DNAH14: variants seen among roughly 807,000 people sequenced by gnomAD.
DNAH14 encodes dynein axonemal heavy chain 14.
A neutral mutation model predicts 520.9 loss-of-function variants in DNAH14; 478 were observed. That is an observed-to-expected ratio of 0.92 (90% CI 0.85 to 0.99). DNAH14 has a LOEUF of 0.99. Among genes scored for constraint, DNAH14 ranks in the 50% least tolerant of loss-of-function variants. The pLI is 0.00. For synonymous variants in DNAH14, 1,581 were observed against 1,757.2 expected, an observed-to-expected ratio of 0.90 and a Z score of 2.51; for missense variants, 4,831 against 5,234.5, an observed-to-expected ratio of 0.92 and a Z score of 2.38.
intron 46 of DNAH14, among the ~76,000 whole-genome samples, chr1:225,262,679 C>T (rs1200921417): frequency 6.6e-6 from 1 of 151,870 alleles, no homozygotes; most frequent in Non-Finnish European, 1.5e-5. Flanking sequence ...TTTCTGGGTT[C>T]TCTGTTTTGT....
chr1:224,946,109 G>A (rs1224369249), intron 1 of DNAH14, among the ~76,000 whole-genome samples: 1 of 152,214 alleles, frequency 6.6e-6, no homozygotes, highest in African/African-American at 2.4e-5. Context: ...GAGGCAGGCA[G>A]GCAGCCCTCT....
intron 36 of DNAH14, among the ~76,000 whole-genome samples, chr1:225,170,505 A>T (rs2082511686): frequency 6.6e-6 from 1 of 152,204 alleles, no homozygotes; most frequent in South Asian, 2.1e-4. Flanking sequence ...ACCAACAAAG[A>T]TCAAAAGAGA....
intron 50 of DNAH14, among the ~76,000 whole-genome samples, 162 bp from the exon 51 acceptor site, chr1:225,271,744 T>C (rs1258964389): frequency 6.6e-6 from 1 of 152,222 alleles, no homozygotes; most frequent in African/African-American, 2.4e-5. Context: ...GTGTTTTGTT[T>C]TTACTAATCT....
intron 21 of DNAH14, among the ~76,000 whole-genome samples, chr1:225,094,963 A>G (rs1331192617): frequency 6.6e-6 from 1 of 152,122 alleles, no homozygotes; most frequent in East Asian, 1.9e-4. Context: ...CAAAACCACA[A>G]TAAGATACCA....
At chr1:225,398,075 C>T (rs1206860262) in intron 84 of DNAH14, 2 of 149,334 alleles carry the variant, frequency 1.3e-5, no homozygotes, top group Admixed American at 1.3e-4. Flanking sequence ...AAAAACCCCT[C>T]CTCTGCCTTT....
chr1:225,380,934 G>A (rs2095773305), intron 80 of DNAH14, among the ~76,000 whole-genome samples: 1 of 152,176 alleles, frequency 6.6e-6, no homozygotes, highest in Non-Finnish European at 1.5e-5. Flanking sequence ...CAGCAAATTA[G>A]GGCTCGCAGG....
At chr1:225,322,558 A>T in intron 61 of DNAH14, 106 bp from the exon 62 acceptor site, 1 of 1,134,760 alleles carries the variant, frequency 8.8e-7, no homozygotes, top group Non-Finnish European at 1.2e-6. Flanking sequence ...AGTTTTCCTT[A>T]TCCAAATGTG....
intron 42 of DNAH14, among the ~76,000 whole-genome samples, chr1:225,233,639 T>C (rs2091323076): frequency 6.6e-6 from 1 of 152,176 alleles, no homozygotes; most frequent in African/African-American, 2.4e-5. Context: ...TTTAATGTTT[T>C]TTTTTCTCCT....
At chr1:225,293,560 C>A (rs1392233065) in intron 55 of DNAH14, among the ~76,000 whole-genome samples, 1 of 152,086 alleles carries the variant, frequency 6.6e-6, no homozygotes, top group African/African-American at 2.4e-5. Context: ...CAAACTAACA[C>A]AGGAACAGAA....
rs956834783 is a variant in DNAH14, at chr1:225,290,062, C to T, written c.8449C>T (p.Pro2817Ser). The T allele has an allele frequency of 4.1e-6, 6 of 1,476,980 alleles. No homozygotes were observed. In the African/African-American group the frequency reaches 5.7e-5, roughly 14 times the overall value. The allele number at this position is 1,476,980 out of a possible 1,614,324, so 91.5% of individuals were successfully genotyped here. A position where few individuals can be genotyped will look rare whatever the true frequency, so the allele number is the denominator to read the frequency against. Reference protein sequence around the residue: ...LKGKPTVLMVPNLNIEQDSFL... With the variant: ...LKGKPTVLMVSNLNIEQDSFL... ...AGGGAAACCCACTGTTCTGATGGTT[C>T]CCAATTTAAACATAGAACAAGTAAG... Residue 2817 changes from proline (P) to serine (S), a missense_variant, in exon 55 of 86, where the codon CCC (proline) becomes TCC (serine). By Grantham distance (74) the Pro-to-Ser change is moderately conservative (BLOSUM62 -1). Coordinates refer to ENST00000682510, the MANE Select transcript of DNAH14 (RefSeq NM_001367479.1).
At chr1:225,039,273 C>T (rs2067236076) in intron 12 of DNAH14, among the ~76,000 whole-genome samples, 3 of 152,064 alleles carry the variant, frequency 2.0e-5, no homozygotes, top group Admixed American at 6.5e-5. Flanking sequence ...TAGCATCTAC[C>T]CCCTCCTCCC....
rs1407339187 is a variant in DNAH14, at chr1:225,307,572, A to G, written c.9114+3A>G. On this transcript the variant is annotated splice_donor_region_variant and intron_variant, in intron 59 of 85. Transcript: ENST00000682510. ...CTCAAGTAGAACAAAAAACAAAGGT[A>G]TGTTTGCTTTGAAATCTCTTTTAAA... 1.3e-6 allele frequency: 2 copies of G among 1,528,324 alleles called. No homozygotes were observed. The highest frequency in any genetic ancestry group is 1.8e-6 in the Non-Finnish European group (2 of 1,139,376). 94.7% of individuals were successfully genotyped at this position (1,528,324 alleles called of 1,614,324 possible).
At chr1:225,141,488 G>A (rs1178078130) in intron 28 of DNAH14, among the ~76,000 whole-genome samples, 1 of 141,640 alleles carries the variant, frequency 7.1e-6, no homozygotes, top group Admixed American at 7.1e-5. Flanking sequence ...CGGGGGCGGG[G>A]GCGGTCCTGA....
chr1:225,277,879 G>A (rs1226661283), intron 54 of DNAH14, among the ~76,000 whole-genome samples: 1 of 152,082 alleles, frequency 6.6e-6, no homozygotes, highest in Admixed American at 6.6e-5. Flanking sequence ...TAAAATCTTG[G>A]AAAATTCCCC....
At chr1:225,130,885 G>A (rs1179673789) in intron 27 of DNAH14, among the ~76,000 whole-genome samples, 2 of 152,042 alleles carry the variant, frequency 1.3e-5, no homozygotes, top group East Asian at 3.9e-4. Flanking sequence ...ACAATAAAAT[G>A]AAGCACAATA....
intron 15 of DNAH14, among the ~76,000 whole-genome samples, chr1:225,046,253 A>T (rs1452566803): frequency 6.6e-6 from 1 of 152,014 alleles, no homozygotes; most frequent in Non-Finnish European, 1.5e-5. Context: ...ATATTCATAC[A>T]TTAGTCAAAT....
At chr1:225,351,554 C>T in intron 71 of DNAH14, 93 bp from the exon 72 acceptor site, 2 of 719,636 alleles carry the variant, frequency 2.8e-6, no homozygotes, top group Non-Finnish European at 4.3e-6. Flanking sequence ...ATAGCCTTAA[C>T]AGTACATCTT....
At chr1:225,069,887 C>A (rs948345393) in intron 17 of DNAH14, among the ~76,000 whole-genome samples, 2 of 151,952 alleles carry the variant, frequency 1.3e-5, no homozygotes, top group Admixed American at 6.6e-5. Context: ...TTTTAGAACT[C>A]ATTTTTGGTC....
At chr1:225,271,880 CT>C in intron 50 of DNAH14, 25 bp from the exon 51 acceptor site, 1 of 1,529,976 alleles carries the variant, frequency 6.5e-7, no homozygotes, top group Non-Finnish European at 8.8e-7. Context: ...TTTTGGCAAG[CT>C]AAATTATAAC....
Sources: allele counts gnomAD v4.1 joint callset (sites outside exome capture counted in the v4.1 genomes callset), GRCh38; gene constraint gnomAD v4.1.1; transcripts MANE v1.5; gene names NCBI Gene and HGNC (gene_info 2026-07-23, HGNC 2026-07-21).